The following ZC3H12B variants were observed in gnomAD, a reference collection of about 807,000 sequenced individuals.
The protein encoded by ZC3H12B is probable ribonuclease ZC3H12B.
ZC3H12B carries 7 observed loss-of-function variants against 43.9 expected under a neutral mutation model. The observed-to-expected ratio is 0.16, with a 90% CI of 0.09 to 0.30. The LOEUF (loss-of-function observed/expected upper bound fraction) is 0.30, where lower values mean the gene tolerates loss of function less well. ZC3H12B is among the 10% of genes least tolerant of loss of function. ZC3H12B has a pLI of 1.00. For synonymous variants in ZC3H12B, 222 were observed against 241.7 expected (o/e 0.92, Z 0.76); for missense variants, 475 against 670.2 (o/e 0.71, Z 3.22).
chrX:65,268,327 G>T, the ZC3H12B span, among the ~76,000 whole-genome samples: 1 of 111,540 alleles, frequency 9.0e-6, no homozygotes, highest in Non-Finnish European at 1.9e-5. Context: ...TCTACCAAAT[G>T]TTCAAAGAAG....
At chrX:65,343,314 T>C in the ZC3H12B span, among the ~76,000 whole-genome samples, 1 of 112,125 alleles carries the variant, frequency 8.9e-6, no homozygotes, top group Non-Finnish European at 1.9e-5. Context: ...GACTCTTTCC[T>C]AACTCATTCT....
chrX:65,301,275 G>A, the ZC3H12B span, among the ~76,000 whole-genome samples: 2 of 111,714 alleles, frequency 1.8e-5, no homozygotes, highest in Non-Finnish European at 3.8e-5. Context: ...AAGTTGTATG[G>A]AGATTTAGTA....
the ZC3H12B span, among the ~76,000 whole-genome samples, chrX:65,131,579 A>G: frequency 9.0e-6 from 1 of 111,443 alleles, no homozygotes; most frequent in Admixed American, 9.5e-5. Flanking sequence ...GAAAAGATTT[A>G]GGATCTGTGG....
At chrX:65,073,927 G>T in the ZC3H12B span, among the ~76,000 whole-genome samples, 4 of 111,684 alleles carry the variant, frequency 3.6e-5, no homozygotes, top group Non-Finnish European at 7.5e-5. Flanking sequence ...TCTTAGTGCC[G>T]TACCTCTGAA....
the ZC3H12B span, among the ~76,000 whole-genome samples, chrX:65,319,237 A>T: frequency 8.1e-5 from 9 of 111,634 alleles, no homozygotes; most frequent in East Asian, 2.3e-3. Flanking sequence ...GAAATGACAA[A>T]GGGGATATTA....
chrX:65,472,943 CAT>C (rs1201764272), intron 3 of ZC3H12B, among the ~76,000 whole-genome samples: 2 of 50,076 alleles, frequency 4.0e-5, no homozygotes, highest in Non-Finnish European at 6.9e-5. Context: ...TATGTTTGTA[CAT>C]ATATATATGT....
chrX:65,465,590 A>G (rs2067807069), intron 3 of ZC3H12B, among the ~76,000 whole-genome samples: 1 of 110,765 alleles, frequency 9.0e-6, no homozygotes. Context: ...AGTTTAATTC[A>G]TTTACATTGA....
At chrX:65,211,746 T>C in the ZC3H12B span, among the ~76,000 whole-genome samples, 2 of 85,005 alleles carry the variant, frequency 2.4e-5, no homozygotes, top group Admixed American at 1.7e-4. Flanking sequence ...ATATATATTA[T>C]ATAATATATT....
the ZC3H12B span, among the ~76,000 whole-genome samples, chrX:65,348,493 A>G: frequency 4.5e-5 from 5 of 111,538 alleles, no homozygotes; most frequent in African/African-American, 1.6e-4. Flanking sequence ...TAATGACAGG[A>G]TAAAATTCAA....
the ZC3H12B span, among the ~76,000 whole-genome samples, chrX:65,143,849 G>A: frequency 2.7e-5 from 3 of 110,806 alleles, no homozygotes; most frequent in Non-Finnish European, 3.8e-5. Flanking sequence ...GATTACAAGC[G>A]TGAGCCACTG....
chrX:65,131,713 G>A, the ZC3H12B span, among the ~76,000 whole-genome samples: 1 of 111,702 alleles, frequency 9.0e-6, no homozygotes, highest in African/African-American at 3.3e-5. Context: ...TTTGTAGAAG[G>A]TGTTGGGGTT....
the ZC3H12B span, among the ~76,000 whole-genome samples, chrX:65,191,203 GTATTT>G: frequency 1.8e-5 from 1 of 54,453 alleles, no homozygotes; most frequent in Non-Finnish European, 3.1e-5. Flanking sequence ...CGGTTTGCCA[GTATTT>G]TATTGAGGAT....
the ZC3H12B span, among the ~76,000 whole-genome samples, chrX:65,060,111 G>A: frequency 8.9e-6 from 1 of 112,237 alleles, no homozygotes; most frequent in Non-Finnish European, 1.9e-5. Context: ...TAGTTTTCTT[G>A]TGGAATTTTA....
At chrX:65,295,427 G>A in the ZC3H12B span, among the ~76,000 whole-genome samples, 1 of 111,338 alleles carries the variant, frequency 9.0e-6, no homozygotes, top group African/African-American at 3.3e-5. Flanking sequence ...GGAACGTTCA[G>A]AGCATTGAAT....
At chrX:65,342,596 C>A in the ZC3H12B span, among the ~76,000 whole-genome samples, 3 of 111,520 alleles carry the variant, frequency 2.7e-5, no homozygotes, top group Non-Finnish European at 5.7e-5. Context: ...TCAACAAGTT[C>A]TTTGAAACTA....
chrX:65,296,915 C>A, the ZC3H12B span, among the ~76,000 whole-genome samples: 1 of 111,425 alleles, frequency 9.0e-6, no homozygotes, highest in Non-Finnish European at 1.9e-5. Flanking sequence ...GTGATTGTCT[C>A]AATAGCTGCA....
chrX:65,381,648 A>C (rs2066441709), intron 2 of ZC3H12B, among the ~76,000 whole-genome samples: 1 of 112,224 alleles, frequency 8.9e-6, no homozygotes, highest in Non-Finnish European at 1.9e-5. Flanking sequence ...ACCTTCAAAA[A>C]ATCAATGAAT....
intron 2 of ZC3H12B, among the ~76,000 whole-genome samples, chrX:65,369,267 T>A: frequency 9.0e-6 from 1 of 111,553 alleles, no homozygotes; most frequent in South Asian, 3.8e-4. Flanking sequence ...GAATATCACT[T>A]GTGGAACTTT....
chrX:65,189,452 G>A, the ZC3H12B span, among the ~76,000 whole-genome samples: 1 of 103,809 alleles, frequency 9.6e-6, no homozygotes, highest in Non-Finnish European at 2.0e-5. Flanking sequence ...ATCCTCTCCA[G>A]CACCTGTTGT....
Sources: allele counts gnomAD v4.1 joint callset (sites outside exome capture counted in the v4.1 genomes callset), GRCh38; gene constraint gnomAD v4.1.1; transcripts MANE v1.5; gene names NCBI Gene and HGNC (gene_info 2026-07-23, HGNC 2026-07-21).